The following PDE1C variants were observed in gnomAD, a reference collection of about 807,000 sequenced individuals.
The protein encoded by PDE1C is phosphodiesterase 1C, also known as dual specificity calcium/calmodulin-dependent 3',5'-cyclic nucleotide phosphodiesterase 1C.
PDE1C carries 62 observed loss-of-function variants against 93.1 expected under a neutral mutation model. The ratio of observed to expected loss-of-function variants is 0.67; its 90% CI spans 0.54 to 0.82. The LOEUF (loss-of-function observed/expected upper bound fraction) is 0.82, where lower values mean the gene tolerates loss of function less well. Among genes scored for constraint, PDE1C ranks in the 40% least tolerant of loss-of-function variants. PDE1C has a pLI of 0.00. For missense variants in PDE1C, 742 were observed against 884.6 expected (o/e 0.84, Z 2.04); for synonymous variants, 325 against 310.1 (o/e 1.05, Z -0.50).
At chr7:31,842,969 C>T (rs1050844826) in intron 9 of PDE1C, among the ~76,000 whole-genome samples, 1 of 151,740 alleles carries the variant, frequency 6.6e-6, no homozygotes, top group African/African-American at 2.4e-5. Context: ...TTCCTACTTT[C>T]CTCTGATTAC....
intron 9 of PDE1C, among the ~76,000 whole-genome samples, chr7:31,838,894 G>A (rs1036422027): frequency 1.3e-5 from 2 of 151,642 alleles, no homozygotes; most frequent in Non-Finnish European, 2.9e-5. Context: ...CCCAGGCAAA[G>A]TTTGATCTGG....
At chr7:32,027,842 C>CA (rs1313511950) in intron 2 of PDE1C, among the ~76,000 whole-genome samples, 2 of 151,472 alleles carry the variant, frequency 1.3e-5, no homozygotes, top group East Asian at 3.9e-4. Flanking sequence ...GCAACAACAA[C>CA]AAAAAAATCT....
the PDE1C span, chr7:31,652,804 A>G: frequency 4.3e-6 from 7 of 1,613,302 alleles, no homozygotes; most frequent in Non-Finnish European, 5.9e-6. Flanking sequence ...CCTGTTGGAG[A>G]AAAGGATGCA....
rs192255078 is a variant in PDE1C at position 32,250,620 on chromosome 7, T to C, written c.86-41081A>G. ...TGTCGTGAGGACTATAAATAAAATG[T>C]TTTATGACGATCACTGATAATGCTG... On this transcript the variant is annotated intron_variant, in intron 1 of 18. Transcript: ENST00000396193. Among the ~76,000 whole-genome samples, 121 of 152,284 alleles carry C rather than the reference T, an allele frequency of 7.9e-4. 1 individual carries two copies. The highest frequency in any genetic ancestry group is 2.8e-3 in the African/African-American group (115 of 41,558).
At chr7:32,424,273 C>T (rs1445694243) in intron 1 of PDE1C, among the ~76,000 whole-genome samples, 1 of 152,204 alleles carries the variant, frequency 6.6e-6, no homozygotes, top group East Asian at 1.9e-4. Context: ...ATCCCATAGG[C>T]TCAAAGCAGT....
At chr7:32,248,351 A>C (rs144840152) in intron 1 of PDE1C, among the ~76,000 whole-genome samples, 108 of 152,340 alleles carry the variant, frequency 7.1e-4, no homozygotes, top group Middle Eastern at 3.4e-3. Flanking sequence ...TGTGAAATTC[A>C]CTGGATTATA....
intron 3 of PDE1C, among the ~76,000 whole-genome samples, chr7:32,093,435 A>C (rs1222034090): frequency 6.6e-6 from 1 of 152,182 alleles, no homozygotes; most frequent in Non-Finnish European, 1.5e-5. Context: ...TGGTCATTGT[A>C]ATTTATACTG....
intron 16 of PDE1C, among the ~76,000 whole-genome samples, chr7:31,806,178 C>T (rs759771674): frequency 1.5e-4 from 23 of 151,974 alleles, no homozygotes; most frequent in South Asian, 4.2e-4. Context: ...TTTATAACCA[C>T]GCAGGGCCTA....
At chr7:31,823,847 C>T (rs902181693) in intron 13 of PDE1C, among the ~76,000 whole-genome samples, 1 of 152,110 alleles carries the variant, frequency 6.6e-6, no homozygotes, top group Non-Finnish European at 1.5e-5. Flanking sequence ...AAAGCACCAT[C>T]TTTCTGGAAA....
chr7:31,816,078 T>C lies in PDE1C; in HGVS notation c.1659A>G (p.Lys553=). ...CAGATGCGCCTTCTTCAGCCTGGCT[T>C]TTGGCTTCCATTTCCTTTTGCTGCT... The part of the protein sequence containing the change: ...AEEQQKEMEA[K]SQAEEGASGK... Residue 553 remains lysine, a synonymous_variant, in exon 15 of 18, where the codon AAA becomes AAG. Coordinates refer to ENST00000396191, the MANE Select transcript of PDE1C (RefSeq NM_001191057.4). The C allele has an allele frequency of 6.2e-7, 1 of 1,614,034 alleles. No individual in the cohort carries two copies. The highest frequency in any genetic ancestry group is 8.5e-7 in the Non-Finnish European group (1 of 1,179,940).
chr7:31,983,652 G>A (rs111376472), intron 2 of PDE1C, among the ~76,000 whole-genome samples: 2,509 of 152,180 alleles, frequency 0.016, 70 homozygotes, highest in African/African-American at 0.057. Flanking sequence ...AATCACCATG[G>A]TTTACAGGGA....
intron 2 of PDE1C, among the ~76,000 whole-genome samples, chr7:32,179,265 C>CT (rs3079597): frequency 0.31 from 40,793 of 131,182 alleles, 7,056 homozygotes; most frequent in Admixed American, 0.44. Flanking sequence ...CTGACTTAGT[C>CT]TTTTTTTTTT....
chr7:32,163,277 C>A (rs915481538), intron 3 of PDE1C, among the ~76,000 whole-genome samples: 2 of 152,158 alleles, frequency 1.3e-5, no homozygotes, highest in African/African-American at 4.8e-5. Context: ...TACCCCACAC[C>A]ATGCCATATC....
In PDE1C at chr7:31,865,065, A is replaced by C. The variant is rs540169931; in HGVS notation, c.627T>G (p.Leu209=). The part of the protein sequence containing the change: ...ISRFKIPISA[L]VSFVEALEVG... ...CTTCCAGGGCCTCCACAAATGAGAC[A>C]AGTGCAGAAATGGGGATCTGAAAGA... is the stretch of plus-strand genomic sequence containing the variant. The change falls in exon 7 of 18, where the codon CTT becomes CTG. Residue 209 remains leucine (L), a synonymous_variant. Coordinates refer to ENST00000396191, the MANE Select transcript of PDE1C (RefSeq NM_001191057.4). 1.9e-6 allele frequency: 3 copies of C among 1,614,098 alleles called. No individual in the cohort carries two copies. Among genetic ancestry groups the C allele is most frequent in the Non-Finnish European group, 2.5e-6 (3 of 1,179,980 alleles).
At chr7:32,116,650 C>T (rs964935978) in intron 3 of PDE1C, among the ~76,000 whole-genome samples, 1 of 152,262 alleles carries the variant, frequency 6.6e-6, no homozygotes, top group Admixed American at 6.5e-5. Context: ...CTGTTGGAAA[C>T]CACAGAAGGT....
At chr7:32,192,025 T>C (rs1248131032) in intron 2 of PDE1C, among the ~76,000 whole-genome samples, 4 of 152,216 alleles carry the variant, frequency 2.6e-5, no homozygotes, top group Non-Finnish European at 4.4e-5. Flanking sequence ...TCTGGTGAAA[T>C]GTCTGTTCAT....
At chr7:32,315,949 C>T (rs763846176) in intron 1 of PDE1C, among the ~76,000 whole-genome samples, 17 of 152,302 alleles carry the variant, frequency 1.1e-4, no homozygotes, top group Non-Finnish European at 2.2e-4. Flanking sequence ...GAGCCAAGAT[C>T]GTGCCATTGC....
intron 1 of PDE1C, among the ~76,000 whole-genome samples, chr7:32,230,520 C>A (rs893123351): frequency 2.6e-5 from 4 of 152,108 alleles, no homozygotes; most frequent in Admixed American, 6.5e-5. Context: ...GTAACCACCA[C>A]CCCCACTCCC....
At chr7:32,109,705 C>G (rs1215158981) in intron 3 of PDE1C, among the ~76,000 whole-genome samples, 2 of 152,148 alleles carry the variant, frequency 1.3e-5, no homozygotes, top group Non-Finnish European at 2.9e-5. Context: ...TCTCACTATT[C>G]AACAAAGTCT....
Sources: gnomAD v4.1 joint callset for allele counts (sites outside exome capture counted in the v4.1 genomes callset) on GRCh38, gnomAD v4.1.1 for gene constraint, MANE v1.5 for transcripts, NCBI Gene and HGNC (gene_info 2026-07-23, HGNC 2026-07-21) for gene names.